Variants in NAT8L observed in about 807,000 individuals in gnomAD.
NAT8L encodes aspartate N-acetyltransferase, also known as N-acetylaspartate synthetase.
In NAT8L, 6 loss-of-function variants were observed where a neutral mutation model predicts 21.2. The ratio of observed to expected loss-of-function variants is 0.28; its 90% confidence interval spans 0.16 to 0.56. NAT8L has a LOEUF of 0.56. Ranked by LOEUF, NAT8L falls within the 20% of genes least tolerant of loss-of-function variation. The pLI, the probability that NAT8L is intolerant of heterozygous loss-of-function variation, is 0.93. For synonymous variants in NAT8L, 239 were observed against 204.9 expected, an observed-to-expected ratio of 1.17 and a Z score of -1.42; for missense variants, 331 against 433.3, an observed-to-expected ratio of 0.76 and a Z score of 2.10.
rs1019510682 is a variant in NAT8L, at chr4:2,060,376, C to A, written c.376+489C>A. Among the ~76,000 whole-genome samples, 1 of 152,242 alleles carries A rather than the reference C, an allele frequency of 6.6e-6. No homozygotes were observed. Among genetic ancestry groups the A allele is most frequent in the Non-Finnish European group, 1.5e-5 (1 of 68,040 alleles). On this transcript the variant is annotated intron_variant, in intron 1 of 2. Coordinates refer to ENST00000423729, the MANE Select transcript of NAT8L (RefSeq NM_178557.4). The surrounding 1 kb of genome is among the most constrained non-coding windows in gnomAD (Gnocchi z 4.7). ...CTTCAGCGTCTTTGGGTGCCCTTCCCCTCAGAGCTTCCTGCCGGGGTGAGG... is the reference window on the plus strand; with the variant it reads ...CTTCAGCGTCTTTGGGTGCCCTTCCACTCAGAGCTTCCTGCCGGGGTGAGG...
rs892906399 is a variant in NAT8L at position 2,059,397 on chromosome 4, TGCC to T, written c.-94_-92del. The T allele has an allele frequency of 5.5e-3, 1,284 of 234,984 alleles. No individual in the cohort carries two copies. The highest frequency in any genetic ancestry group is 0.014 in the Middle Eastern group (6 of 442). The allele number at this position is 234,984 out of a possible 1,614,324, so 14.6% of individuals were successfully genotyped here. ...GAGCTGCCGCCGCCGCCGCCGCCGC[TGCC>T]GCCGCCGCCGCCGCCGCCGCGGGTC... On this transcript the variant is annotated 5_prime_UTR_variant, in exon 1 of 3. Coordinates refer to ENST00000423729, the MANE Select transcript of NAT8L (RefSeq NM_178557.4). This position sits in a 1 kb window ranked among gnomAD's most constrained non-coding sequence, Gnocchi z 4.8.
In NAT8L at chr4:2,060,941, C is replaced by A; in HGVS notation, c.377-57C>A. On this transcript the variant is annotated intron_variant, in intron 1 of 2. Coordinates refer to ENST00000423729, the MANE Select transcript of NAT8L (RefSeq NM_178557.4). This position sits in a 1 kb window ranked among gnomAD's most constrained non-coding sequence, Gnocchi z 4.7. The stretch of plus-strand genomic sequence containing the variant: ...TCCCTAGCGGGCTTCGCCGGGGTGG[C>A]GTCTCTGGGGCCTGGGGACCCCCGC... 1.0e-6 allele frequency: 1 copy of A among 996,568 alleles called. No individual in the cohort carries two copies. The highest frequency in any genetic ancestry group is 1.4e-6 in the Non-Finnish European group (1 of 700,894). The allele number at this position is 996,568 out of a possible 1,614,324, so 61.7% of individuals were successfully genotyped here. A position where few individuals can be genotyped will look rare whatever the true frequency, so the allele number is the denominator to read the frequency against.
In NAT8L at chr4:2,068,108, G is replaced by A. The variant is rs1730040897; in HGVS notation, c.*3981G>A. The A allele has an allele frequency of 3.2e-5, 4 of 125,908 alleles. No individual in the cohort carries two copies. Among genetic ancestry groups the A allele is most frequent in the Admixed American group, 1.8e-4 (2 of 11,422 alleles). 7.8% of individuals were successfully genotyped at this position (125,908 alleles called of 1,614,324 possible). On this transcript the variant is annotated 3_prime_UTR_variant, in exon 3 of 3. Coordinates refer to ENST00000423729, the MANE Select transcript of NAT8L (RefSeq NM_178557.4). ...AAAGGAGGGATGTACCTGTGTGTGT[G>A]CATGTGCACGTGTTTGAGCGTGTGT...
chr4:2,059,509 T>C lies in NAT8L; in HGVS notation c.-3T>C, dbSNP rs1729809860. On this transcript the variant is annotated 5_prime_UTR_variant, in exon 1 of 3. Transcript: ENST00000423729. The surrounding 1 kb of genome is among the most constrained non-coding windows in gnomAD (Gnocchi z 4.8). ...CCCGCTGCCGCGCCGCCCGGCCGGG[T>C]GCATGCATTGTGGGCCTCCCGACAT... is the stretch of plus-strand genomic sequence containing the variant. 2.0e-6 allele frequency: 2 copies of C among 975,630 alleles called. No individual in the cohort carries two copies. The allele number at this position is 975,630 out of a possible 1,614,324, so 60.4% of individuals were successfully genotyped here.
At chr4:2,062,077 A>T (rs1729904727) in intron 2 of NAT8L, among the ~76,000 whole-genome samples, 1 of 152,294 alleles carries the variant, frequency 6.6e-6, no homozygotes, top group African/African-American at 2.4e-5. Flanking sequence ...ACGGGCCATG[A>T]GGAAGCACAG....
Position 2,060,990 on chromosome 4 carries a change from G to C in NAT8L, c.377-8G>C. 16 of 1,500,058 alleles carry C rather than the reference G, an allele frequency of 1.1e-5. No individual in the cohort carries two copies. The highest frequency in any genetic ancestry group is 1.4e-5 in the Non-Finnish European group (16 of 1,103,958). 92.9% of individuals were successfully genotyped at this position (1,500,058 alleles called of 1,614,324 possible). ...GCCGCGCCGCTGACCCGCGCCCTCT[G>C]CCCCCAGCGCTGTGCTTCGCCGTGA... On this transcript the variant is annotated splice_region_variant and splice_polypyrimidine_tract_variant and intron_variant, in intron 1 of 2. Coordinates refer to ENST00000423729, the MANE Select transcript of NAT8L (RefSeq NM_178557.4). This position sits in a 1 kb window ranked among gnomAD's most constrained non-coding sequence, Gnocchi z 4.7.
At position 2,064,944 on chromosome 4, in the gene NAT8L, T is replaced by A. The variant is rs2108681418; in HGVS notation, c.*817T>A. On this transcript the variant is annotated 3_prime_UTR_variant, in exon 3 of 3. Transcript: ENST00000423729. ...CTGGATCGTGCTGGCCTCTCCCAGA[T>A]GTCCCCGGGGACCTCCTGCCTCTGG... 6.6e-6 allele frequency: 1 copy of A among 152,536 alleles called. No individual in the cohort carries two copies. The highest frequency in any genetic ancestry group is 3.4e-3 in the Middle Eastern group (1 of 294). 9.4% of individuals were successfully genotyped at this position (152,536 alleles called of 1,614,324 possible).
At chr4:2,061,203 C>A (rs776193690) in intron 2 of NAT8L, 41 bp downstream of exon 2, 2 of 1,608,550 alleles carry the variant, frequency 1.2e-6, no homozygotes, top group Admixed American at 1.7e-5. Context: ...CCGCCCCAGA[C>A]AGCCCTCGGG....
At position 2,060,882 on chromosome 4, in the gene NAT8L, G is replaced by A; in HGVS notation, c.377-116G>A. 4 of 486,144 alleles carry A rather than the reference G, an allele frequency of 8.2e-6. No individual in the cohort carries two copies. The South Asian group carries it at 9.9e-5, about 12-fold the overall frequency. The allele number at this position is 486,144 out of a possible 1,614,324, so 30.1% of individuals were successfully genotyped here. A position where few individuals can be genotyped will look rare whatever the true frequency, so the allele number is the denominator to read the frequency against. ...AGTAGAAAGCACCCGAGATGACCCC[G>A]GCTCCTCCACCAGGAGCGCGGCCGG... is the stretch of plus-strand genomic sequence containing the variant. On this transcript the variant is annotated intron_variant, in intron 1 of 2. Transcript: ENST00000423729. This position sits in a 1 kb window ranked among gnomAD's most constrained non-coding sequence, Gnocchi z 4.7.
At position 2,065,752 on chromosome 4, in the gene NAT8L, C is replaced by T. The variant is rs1456316219; in HGVS notation, c.*1625C>T. Reference sequence around the variant, plus strand: ...TGAGGTGTGCAGAGCACTGTACAGACCCCACTCCCCTGTACATTCCTCCCT... The same window carrying T: ...TGAGGTGTGCAGAGCACTGTACAGATCCCACTCCCCTGTACATTCCTCCCT... On this transcript the variant is annotated 3_prime_UTR_variant, in exon 3 of 3. Transcript: ENST00000423729. 6.6e-6 allele frequency: 1 copy of T among 152,500 alleles called. No individual in the cohort carries two copies. The highest frequency in any genetic ancestry group is 1.5e-5 in the Non-Finnish European group (1 of 68,086). 9.4% of individuals were successfully genotyped at this position (152,500 alleles called of 1,614,324 possible). A position where few individuals can be genotyped will look rare whatever the true frequency, so the allele number is the denominator to read the frequency against.
Position 2,067,582 on chromosome 4 carries a change from G to A in NAT8L, c.*3455G>A, listed in dbSNP as rs1303355298. 6.6e-6 allele frequency: 1 copy of A among 152,274 alleles called. No homozygotes were observed. The highest frequency in any genetic ancestry group is 2.4e-5 in the African/African-American group (1 of 41,458). The allele number at this position is 152,274 out of a possible 1,614,324, so 9.4% of individuals were successfully genotyped here. A position where few individuals can be genotyped will look rare whatever the true frequency, so the allele number is the denominator to read the frequency against. On this transcript the variant is annotated 3_prime_UTR_variant, in exon 3 of 3. Coordinates refer to ENST00000423729, the MANE Select transcript of NAT8L (RefSeq NM_178557.4). ...CCTCTGAGAGGCCCGCCTGCCCTGG[G>A]GCACCCAGGGCTGTGCTGGTGGCCT...
intron 2 of NAT8L, 111 bp from the exon 3 acceptor site, chr4:2,063,649 C>T (rs1577667802): frequency 6.3e-7 from 1 of 1,584,192 alleles, no homozygotes; most frequent in Admixed American, 1.7e-5. Context: ...ACTGCCCTGG[C>T]TTGGTGTCCA....
In NAT8L at chr4:2,059,526, T is replaced by C. The variant is rs2108679325; in HGVS notation, c.15T>C (p.Pro5=). MHCG[P]PDMVCETKIV... ...CGGCCGGGTGCATGCATTGTGGGCC[T>C]CCCGACATGGTCTGCGAGACGAAGA... The change falls in exon 1 of 3, where the codon CCT becomes CCC. Residue 5 remains proline (P), a synonymous_variant. Transcript: ENST00000423729. The surrounding 1 kb of genome is among the most constrained non-coding windows in gnomAD (Gnocchi z 4.8). The C allele has an allele frequency of 2.0e-6, 2 of 998,910 alleles. No individual in the cohort carries two copies. Among genetic ancestry groups the C allele is most frequent in the Non-Finnish European group, 2.4e-6 (2 of 839,514 alleles). The allele number at this position is 998,910 out of a possible 1,614,324, so 61.9% of individuals were successfully genotyped here.
chr4:2,064,144 GC>G lies in NAT8L; in HGVS notation c.*20del. ...GAGGAGTGACCGCCGCCGCTCGCCCGCCCGCCCCCCCGGCCGCCCTGTCCGC... is the reference window on the plus strand; with the variant it reads ...GAGGAGTGACCGCCGCCGCTCGCCCGCCGCCCCCCCGGCCGCCCTGTCCGC... On this transcript the variant is annotated 3_prime_UTR_variant, in exon 3 of 3. Coordinates refer to ENST00000423729, the MANE Select transcript of NAT8L (RefSeq NM_178557.4). The G allele has an allele frequency of 6.8e-7, 1 of 1,460,514 alleles. No homozygotes were observed. Among genetic ancestry groups the G allele is most frequent in the African/African-American group, 1.4e-5 (1 of 70,996 alleles). 90.5% of individuals were successfully genotyped at this position (1,460,514 alleles called of 1,614,324 possible).
In NAT8L at chr4:2,067,233, C is replaced by T. The variant is rs1730022549; in HGVS notation, c.*3106C>T. 6.6e-6 allele frequency: 1 copy of T among 152,494 alleles called. No homozygotes were observed. Among genetic ancestry groups the T allele is most frequent in the South Asian group, 2.1e-4 (1 of 4,844 alleles). The allele number at this position is 152,494 out of a possible 1,614,324, so 9.4% of individuals were successfully genotyped here. On this transcript the variant is annotated 3_prime_UTR_variant, in exon 3 of 3. Coordinates refer to ENST00000423729, the MANE Select transcript of NAT8L (RefSeq NM_178557.4). ...CTCCTTCCTCCGCCCCATGCCCAGC[C>T]TTGCTTCCGGCTGGTGGCATGCCTT...
chr4:2,068,599 CTGTACATGTAGAG>C lies in NAT8L; in HGVS notation c.*4482_*4494del, dbSNP rs1450954918. ...ACATGTGTATGGATGCATATGTGAG[CTGTACATGTAGAG>C]TGTACATGTGTGTTGCATGAGCATG... On this transcript the variant is annotated 3_prime_UTR_variant, in exon 3 of 3. Coordinates refer to ENST00000423729, the MANE Select transcript of NAT8L (RefSeq NM_178557.4). 1 of 152,182 alleles carries C rather than the reference CTGTACATGTAGAG, an allele frequency of 6.6e-6. No individual in the cohort carries two copies. The allele number at this position is 152,182 out of a possible 1,614,324, so 9.4% of individuals were successfully genotyped here. A position where few individuals can be genotyped will look rare whatever the true frequency, so the allele number is the denominator to read the frequency against.
Position 2,059,743 on chromosome 4 carries a change from G to T in NAT8L, c.232G>T (p.Val78Leu). The change falls in exon 1 of 3, where the codon GTG becomes TTG. Residue 78 changes from valine (V) to leucine (L), a missense_variant. This residue lies in a region of NAT8L where 199 missense variants were observed against 196.1 expected (regional missense o/e 1.01). Transcript: ENST00000423729. The surrounding 1 kb of genome is among the most constrained non-coding windows in gnomAD (Gnocchi z 4.8). ...CGCGGGGCCGCCGGGGGGGCGCGGC[G>T]TGTGCATCCGCGAGTTCCGTGCGGC... Reference protein sequence around the residue: ...GGAGPPGGRGVCIREFRAAEQ... With the variant: ...GGAGPPGGRGLCIREFRAAEQ... 2 of 1,231,386 alleles carry T rather than the reference G, an allele frequency of 1.6e-6. No homozygotes were observed. Among genetic ancestry groups the T allele is most frequent in the Non-Finnish European group, 2.0e-6 (2 of 978,864 alleles). The allele number at this position is 1,231,386 out of a possible 1,614,324, so 76.3% of individuals were successfully genotyped here. A position where few individuals can be genotyped will look rare whatever the true frequency, so the allele number is the denominator to read the frequency against.
rs1030068114 is a variant in NAT8L at position 2,061,158 on chromosome 4, G to A, written c.537G>A (p.Pro179=). ...MADIEQYYMK[P]PGSCFWVAVL... Reference sequence around the variant, plus strand: ...ACATCGAGCAGTACTACATGAAGCCGCCCGGTGAGTCCCGCTCCCGCCGCT... The same window carrying A: ...ACATCGAGCAGTACTACATGAAGCCACCCGGTGAGTCCCGCTCCCGCCGCT... Residue 179 remains proline (P), a synonymous_variant, in exon 2 of 3, where the codon CCG becomes CCA. Transcript: ENST00000423729. 5.0e-6 allele frequency: 8 copies of A among 1,610,056 alleles called. No individual in the cohort carries two copies. Among genetic ancestry groups the A allele is most frequent in the Middle Eastern group, 1.6e-4 (1 of 6,066 alleles).
At position 2,060,288 on chromosome 4, in the gene NAT8L, A is replaced by G. The variant is rs1729827723; in HGVS notation, c.376+401A>G. ...CTCGGTGCTAATTTATGAGGGGAAG[A>G]CAGCCGGCGCCGCGGGGGGTGCGCG... On this transcript the variant is annotated intron_variant, in intron 1 of 2. Transcript: ENST00000423729. The surrounding 1 kb of genome is among the most constrained non-coding windows in gnomAD (Gnocchi z 4.7). 6.6e-6 allele frequency among the ~76,000 whole-genome samples: 1 copy of G among 152,062 alleles called. No individual in the cohort carries two copies. Among genetic ancestry groups the G allele is most frequent in the Non-Finnish European group, 1.5e-5 (1 of 67,982 alleles).
Sources: gnomAD v4.1 joint callset for allele counts (sites outside exome capture counted in the v4.1 genomes callset) on GRCh38, gnomAD v4.1.1 for gene constraint, gnomAD v4.1.1 regional missense constraint, Gnocchi (gnomAD v3.1) non-coding constraint, MANE v1.5 for transcripts, NCBI Gene and HGNC (gene_info 2026-07-23, HGNC 2026-07-21) for gene names.